Variants in NPAS3 observed in about 807,000 individuals in gnomAD.
The protein encoded by NPAS3 is neuronal PAS domain protein 3.
Under a neutral mutation model 73.1 loss-of-function variants are expected in NPAS3, and 14 were observed. The ratio of observed to expected loss-of-function variants is 0.19; its 90% CI spans 0.13 to 0.30. NPAS3 has a LOEUF of 0.30. NPAS3 is among the 10% of genes least tolerant of loss of function. The probability of loss-of-function intolerance (pLI) is 1.00; values close to 1 mark genes in which losing one functional copy is unlikely to be tolerated. For missense variants in NPAS3, 1,096 were observed against 1,250.0 expected (o/e 0.88, Z 1.86); for synonymous variants, 620 against 541.5 (o/e 1.14, Z -2.01).
intron 3 of NPAS3, among the ~76,000 whole-genome samples, chr14:33,326,696 A>T (rs1481578373): frequency 2.0e-5 from 3 of 152,236 alleles, no homozygotes; most frequent in Admixed American, 6.5e-5. Context: ...TGGAAAGGAA[A>T]ATGAACAGGA....
intron 3 of NPAS3, among the ~76,000 whole-genome samples, chr14:33,327,840 C>A (rs530267662): frequency 2.6e-5 from 4 of 152,284 alleles, no homozygotes; most frequent in Non-Finnish European, 5.9e-5. Flanking sequence ...AGTGAGAAAT[C>A]AAGACAAAAT....
In NPAS3 at chr14:33,800,600, G is replaced by T; in HGVS notation, c.2293G>T (p.Gly765Trp). 7.7e-7 allele frequency: 1 copy of T among 1,290,826 alleles called. No homozygotes were observed. The allele number at this position is 1,290,826 out of a possible 1,614,324, so 80.0% of individuals were successfully genotyped here. Residue 765 changes from glycine (G) to tryptophan (W), a missense_variant, in exon 12 of 12, where the codon GGG becomes TGG. By Grantham distance (184) the Gly-to-Trp change is radical (BLOSUM62 -2). Around this residue, in one of 5 missense-constraint regions of NPAS3, gnomAD observed 698 missense variants for 676.7 expected, o/e 1.03. Coordinates refer to ENST00000356141, the Ensembl canonical transcript of NPAS3. This position sits in a 1 kb window ranked among gnomAD's most constrained non-coding sequence, Gnocchi z 6.5. ...GGACAAGCACCCCGGGAACGGCGGC[G>T]GGGGCGGGGGCGGGGGCGGCGGCGC... is the stretch of plus-strand genomic sequence containing the variant.
At chr14:33,104,558 A>T (rs2042667047) in intron 2 of NPAS3, among the ~76,000 whole-genome samples, 1 of 152,254 alleles carries the variant, frequency 6.6e-6, no homozygotes, top group South Asian at 2.1e-4. Flanking sequence ...AGAACATGTG[A>T]AATAAAAGTG....
chr14:33,169,686 T>C (rs2045313446), intron 2 of NPAS3, among the ~76,000 whole-genome samples: 1 of 152,188 alleles, frequency 6.6e-6, no homozygotes, highest in Non-Finnish European at 1.5e-5. Flanking sequence ...AATTTAAAAT[T>C]GAGGGGATTG....
intron 3 of NPAS3, among the ~76,000 whole-genome samples, chr14:33,292,975 C>T (rs2042160222): frequency 6.6e-6 from 1 of 152,092 alleles, no homozygotes; most frequent in South Asian, 2.1e-4. Flanking sequence ...TGAGGAAGAC[C>T]AGGCAGCAGT....
At chr14:33,084,718 T>C (rs1047346444) in intron 2 of NPAS3, among the ~76,000 whole-genome samples, 1 of 152,098 alleles carries the variant, frequency 6.6e-6, no homozygotes, top group African/African-American at 2.4e-5. Context: ...TGAGGTTATT[T>C]TGAGTGTAGA....
chr14:33,486,781 T>TG (rs775090303), intron 4 of NPAS3, among the ~76,000 whole-genome samples: 1 of 152,204 alleles, frequency 6.6e-6, no homozygotes, highest in Non-Finnish European at 1.5e-5. Flanking sequence ...TAGAATGTAA[T>TG]TTTTCTTCAC....
At chr14:33,728,273 A>C (rs149216271) in intron 6 of NPAS3, among the ~76,000 whole-genome samples, 47 of 152,334 alleles carry the variant, frequency 3.1e-4, no homozygotes, top group African/African-American at 1.1e-3. Context: ...GACAGGTGGC[A>C]TTGGTTGGCA....
At chr14:33,298,606 A>G (rs10141446) in intron 3 of NPAS3, among the ~76,000 whole-genome samples, 63,508 of 151,948 alleles carry the variant, frequency 0.42, 13,582 homozygotes, top group African/African-American at 0.51. Context: ...TCTTCCTATC[A>G]AGGTCTATCC....
At chr14:33,742,076 T>C (rs1004023152) in intron 7 of NPAS3, among the ~76,000 whole-genome samples, 1 of 152,288 alleles carries the variant, frequency 6.6e-6, no homozygotes, top group South Asian at 2.1e-4. Context: ...CTAATAGATT[T>C]ATTTATATAA....
intron 4 of NPAS3, among the ~76,000 whole-genome samples, chr14:33,371,394 T>G (rs551180958): frequency 2.0e-5 from 3 of 152,258 alleles, no homozygotes; most frequent in African/African-American, 7.2e-5. Context: ...GTGTTTTTCA[T>G]GTAGTGAGAG....
chr14:33,120,962 C>G (rs2139034555), intron 2 of NPAS3, among the ~76,000 whole-genome samples: 1 of 152,244 alleles, frequency 6.6e-6, no homozygotes, highest in East Asian at 1.9e-4. Flanking sequence ...CATCATTTAT[C>G]CCTCCTGTTC....
At chr14:33,119,585 T>C (rs1392028609) in intron 2 of NPAS3, among the ~76,000 whole-genome samples, 1 of 152,046 alleles carries the variant, frequency 6.6e-6, no homozygotes, top group Admixed American at 6.6e-5. Flanking sequence ...GCAGCATGGA[T>C]TGGTCAATGA....
At chr14:33,663,674 TG>T (rs1171605211) in intron 5 of NPAS3, among the ~76,000 whole-genome samples, 1 of 152,180 alleles carries the variant, frequency 6.6e-6, no homozygotes, top group East Asian at 1.9e-4. Flanking sequence ...CGTCTGGTCC[TG>T]GGGTTTTTTT....
intron 3 of NPAS3, among the ~76,000 whole-genome samples, chr14:33,333,953 C>T (rs2140286141): frequency 6.6e-6 from 1 of 152,106 alleles, no homozygotes; most frequent in African/African-American, 2.4e-5. Flanking sequence ...AAATTCTCCC[C>T]TGGAAAATTT....
At chr14:33,507,916 G>A (rs2052848385) in intron 4 of NPAS3, among the ~76,000 whole-genome samples, 1 of 151,936 alleles carries the variant, frequency 6.6e-6, no homozygotes, top group African/African-American at 2.4e-5. Context: ...GTGGGTATAT[G>A]TGGGTGTGTC....
rs149859825 is a variant in NPAS3, at chr14:33,593,832, T to C, written c.558+33622T>C. The stretch of plus-strand genomic sequence containing the variant: ...CTTGATGTTGCAGAATAGTAGGCAA[T>C]GTGAGTGAACTTGTGTACAGAGATG... On this transcript the variant is annotated intron_variant, in intron 5 of 11. Transcript: ENST00000356141. Among the ~76,000 whole-genome samples, 6 of 152,318 alleles carry C rather than the reference T, an allele frequency of 3.9e-5. No individual in the cohort carries two copies. In the East Asian group the frequency reaches 9.7e-4, roughly 25 times the overall value.
intron 4 of NPAS3, among the ~76,000 whole-genome samples, chr14:33,429,273 C>T (rs954646992): frequency 1.3e-5 from 2 of 152,092 alleles, no homozygotes; most frequent in African/African-American, 4.8e-5. Flanking sequence ...CCTTCCCAGG[C>T]GAATGTAGCT....
chr14:33,467,744 G>A (rs112983284), intron 4 of NPAS3, among the ~76,000 whole-genome samples: 12 of 152,194 alleles, frequency 7.9e-5, no homozygotes, highest in African/African-American at 2.2e-4. Context: ...GGCAGGGCTC[G>A]GAGGCCTCAG....
Sources: gnomAD v4.1 joint callset for allele counts (sites outside exome capture counted in the v4.1 genomes callset) on GRCh38, gnomAD v4.1.1 for gene constraint, gnomAD v4.1.1 regional missense constraint, Gnocchi (gnomAD v3.1) non-coding constraint, MANE v1.5 for transcripts, NCBI Gene and HGNC (gene_info 2026-07-23, HGNC 2026-07-21) for gene names.